The following CSMD1 variants were observed in gnomAD, a reference collection of about 807,000 sequenced individuals.
CSMD1 encodes CUB and Sushi multiple domains 1, also known as CUB and sushi domain-containing protein 1.
A neutral mutation model predicts 417.5 loss-of-function variants in CSMD1; 213 were observed. The ratio of observed to expected loss-of-function variants is 0.51; its 90% confidence interval spans 0.46 to 0.57. The LOEUF is 0.57. Ranked by LOEUF, CSMD1 falls within the 20% of genes least tolerant of loss-of-function variation. The pLI, the probability that CSMD1 is intolerant of heterozygous loss-of-function variation, is 0.00. For synonymous variants in CSMD1, 2,862 were observed against 1,736.8 expected (o/e 1.65, Z -16.11); for missense variants, 6,923 against 4,529.7 (o/e 1.53, Z -15.17).
chr8:4,198,842 G>C (rs531576936), intron 3 of CSMD1, among the ~76,000 whole-genome samples: 1 of 152,006 alleles, frequency 6.6e-6, no homozygotes, highest in Non-Finnish European at 1.5e-5. Context: ...CATCTCAGGA[G>C]AGACAGCGCA....
chr8:4,636,292 T>C lies in CSMD1; in HGVS notation c.302+1050A>G, dbSNP rs557996556. Among the ~76,000 whole-genome samples the C allele has an allele frequency of 1.9e-4, 29 of 152,282 alleles. No homozygotes were observed. In the South Asian group the frequency reaches 5.8e-3, roughly 30 times the overall value. ...AGTAGATACAGACGTACAGGTATAA[T>C]TTTTTCTTGTTGACAATTGAAAAAA... On this transcript the variant is annotated intron_variant, in intron 2 of 69. Transcript: ENST00000635120.
intron 5 of CSMD1, among the ~76,000 whole-genome samples, chr8:3,794,419 T>G (rs888339102): frequency 2.0e-5 from 3 of 152,178 alleles, no homozygotes; most frequent in Non-Finnish European, 4.4e-5. Context: ...AACCTGTACC[T>G]TTGTTAAATG....
At chr8:3,671,012 T>TGC in intron 7 of CSMD1, among the ~76,000 whole-genome samples, 1 of 138,962 alleles carries the variant, frequency 7.2e-6, no homozygotes, top group African/African-American at 2.6e-5. Flanking sequence ...ATGGGATATA[T>TGC]ATGTATATGG....
intron 3 of CSMD1, among the ~76,000 whole-genome samples, chr8:4,359,407 A>G (rs945252935): frequency 1.3e-5 from 2 of 152,254 alleles, no homozygotes; most frequent in African/African-American, 4.8e-5. Flanking sequence ...CATATTAACT[A>G]GAGAAGCTTT....
chr8:3,565,189 C>CATAGACAG (rs1799649671), intron 10 of CSMD1, among the ~76,000 whole-genome samples: 1 of 14,370 alleles, frequency 7.0e-5, no homozygotes, highest in Non-Finnish European at 1.8e-4. Context: ...AAGAAAGATA[C>CATAGACAG]ATAGATAGAC....
intron 2 of CSMD1, among the ~76,000 whole-genome samples, chr8:4,564,526 G>T (rs774318369): frequency 4.6e-5 from 7 of 152,134 alleles, no homozygotes; most frequent in African/African-American, 1.2e-4. Context: ...ATTGTGACTC[G>T]ATGTTCGAAA....
chr8:3,421,317 G>C (rs905155808), intron 12 of CSMD1, among the ~76,000 whole-genome samples: 1 of 152,206 alleles, frequency 6.6e-6, no homozygotes, highest in Admixed American at 6.5e-5. Context: ...TATAGGACGA[G>C]AAGGACTGCT....
chr8:4,151,331 G>C (rs1796560623), intron 3 of CSMD1, among the ~76,000 whole-genome samples: 1 of 152,188 alleles, frequency 6.6e-6, no homozygotes, highest in African/African-American at 2.4e-5. Flanking sequence ...TGCTTCAAGA[G>C]ATAAATCACT....
intron 5 of CSMD1, among the ~76,000 whole-genome samples, chr8:3,967,697 G>C (rs1177668258): frequency 1.3e-5 from 2 of 152,016 alleles, no homozygotes; most frequent in Admixed American, 6.6e-5. Context: ...GCTTCAAAGG[G>C]AAAATAAGGG....
chr8:3,527,020 G>A (rs946181160), intron 10 of CSMD1, among the ~76,000 whole-genome samples: 1 of 152,038 alleles, frequency 6.6e-6, no homozygotes, highest in Admixed American at 6.6e-5. Context: ...TCCCTACTCA[G>A]AATGTGGCTG....
At chr8:4,313,986 C>T (rs1012828748) in intron 3 of CSMD1, among the ~76,000 whole-genome samples, 15 of 151,464 alleles carry the variant, frequency 9.9e-5, no homozygotes, top group East Asian at 3.9e-4. Flanking sequence ...TGCACTCCAG[C>T]CTGGGCAACA....
chr8:3,259,149 T>A (rs765205640), intron 26 of CSMD1, among the ~76,000 whole-genome samples: 2 of 152,228 alleles, frequency 1.3e-5, no homozygotes, highest in Non-Finnish European at 2.9e-5. Flanking sequence ...TAGGGCCATA[T>A]TGAGCTGAAA....
intron 5 of CSMD1, among the ~76,000 whole-genome samples, chr8:3,765,874 T>C (rs1178292976): frequency 6.6e-6 from 1 of 152,198 alleles, no homozygotes; most frequent in African/African-American, 2.4e-5. Context: ...ATGACAGCAC[T>C]TGTGAGAGAT....
chr8:3,931,492 A>G (rs1454705910), intron 5 of CSMD1, among the ~76,000 whole-genome samples: 2 of 150,318 alleles, frequency 1.3e-5, no homozygotes, highest in African/African-American at 4.9e-5. Flanking sequence ...TTTAAAAGGC[A>G]TAAAAGCTCA....
chr8:4,027,155 T>C (rs1371511789), intron 4 of CSMD1, among the ~76,000 whole-genome samples: 3 of 152,140 alleles, frequency 2.0e-5, no homozygotes, highest in African/African-American at 4.8e-5. Flanking sequence ...CCAGGTGGAA[T>C]TGCACCATTT....
chr8:4,911,999 C>G (rs571640891), intron 1 of CSMD1, among the ~76,000 whole-genome samples: 10 of 151,418 alleles, frequency 6.6e-5, no homozygotes, highest in Admixed American at 1.3e-4. Flanking sequence ...AGTACGTACT[C>G]TTTTGGTCTT....
intron 7 of CSMD1, among the ~76,000 whole-genome samples, chr8:3,685,491 A>G (rs1004093678): frequency 1.3e-5 from 2 of 152,166 alleles, no homozygotes; most frequent in Non-Finnish European, 1.5e-5. Flanking sequence ...GGGAGCTCAG[A>G]CTCAAATCCA....
intron 5 of CSMD1, among the ~76,000 whole-genome samples, chr8:3,958,341 C>T (rs544860384): frequency 4.9e-5 from 7 of 142,474 alleles, no homozygotes; most frequent in African/African-American, 1.3e-4. Flanking sequence ...TTTTTTCCAA[C>T]TTGCTCTTTG....
At chr8:3,270,331 C>T (rs926593273) in intron 26 of CSMD1, among the ~76,000 whole-genome samples, 2 of 152,276 alleles carry the variant, frequency 1.3e-5, no homozygotes, top group South Asian at 2.1e-4. Flanking sequence ...CCTGGGATTA[C>T]AGGCATGAGC....
Sources: gnomAD v4.1 joint callset for allele counts (sites outside exome capture counted in the v4.1 genomes callset) on GRCh38, gnomAD v4.1.1 for gene constraint, MANE v1.5 for transcripts, NCBI Gene and HGNC (gene_info 2026-07-23, HGNC 2026-07-21) for gene names.